The following TP63 variants were observed in gnomAD, a reference collection of about 807,000 sequenced individuals.
TP63 encodes the protein tumor protein 63.
TP63 carries 17 observed loss-of-function variants against 82.8 expected under a neutral mutation model. The observed-to-expected ratio is 0.21, with a 90% CI of 0.14 to 0.31. The LOEUF (loss-of-function observed/expected upper bound fraction) is 0.31, where lower values mean the gene tolerates loss of function less well. TP63 is among the 10% of genes least tolerant of loss of function. The pLI is 1.00. For synonymous variants in TP63, 330 were observed against 321.7 expected (o/e 1.03, Z -0.28); for missense variants, 648 against 895.3 (o/e 0.72, Z 3.52).
At chr3:189,824,230 T>G (rs201437767) in intron 4 of TP63, among the ~76,000 whole-genome samples, 1 of 151,954 alleles carries the variant, frequency 6.6e-6, no homozygotes, top group African/African-American at 2.4e-5. Context: ...TATTATTTTT[T>G]TTTTGAGACA....
intron 1 of TP63, among the ~76,000 whole-genome samples, chr3:189,736,668 A>G (rs1244539305): frequency 6.6e-6 from 1 of 152,000 alleles, no homozygotes; most frequent in Non-Finnish European, 1.5e-5. Context: ...TCCTCTATGC[A>G]TGTTTAACTT....
At chr3:189,771,316 T>TTATATATTTATATATAATATAA (rs1553835347) in intron 3 of TP63, among the ~76,000 whole-genome samples, 2,917 of 136,594 alleles carry the variant, frequency 0.021, 136 homozygotes, top group African/African-American at 0.075. Flanking sequence ...ATATAATATA[T>TTATATATTTATATATAATATAA]TATATATTTA....
the TP63 span, among the ~76,000 whole-genome samples, chr3:189,622,943 T>G: frequency 1.3e-5 from 2 of 152,200 alleles, no homozygotes; most frequent in Non-Finnish European, 2.9e-5. Flanking sequence ...TTTTAAGTCA[T>G]TCTGATTTCT....
chr3:189,793,558 T>C (rs1377058156), intron 3 of TP63, among the ~76,000 whole-genome samples: 1 of 152,054 alleles, frequency 6.6e-6, no homozygotes, highest in African/African-American at 2.4e-5. Flanking sequence ...AGAAATATGT[T>C]ACCACAAATA....
chr3:189,719,673 G>A (rs1036866692), intron 1 of TP63, among the ~76,000 whole-genome samples: 7 of 152,188 alleles, frequency 4.6e-5, no homozygotes, highest in Admixed American at 2.6e-4. Flanking sequence ...CTAAACAAAT[G>A]AGCATGGCTT....
intron 1 of TP63, among the ~76,000 whole-genome samples, chr3:189,645,777 T>C (rs1452041605): frequency 1.4e-5 from 2 of 146,520 alleles, no homozygotes; most frequent in African/African-American, 5.1e-5. Flanking sequence ...GTCCTTGTGA[T>C]AGTTTGCTCA....
intron 1 of TP63, among the ~76,000 whole-genome samples, chr3:189,691,355 A>AAGAAAAG (rs1553813523): frequency 6.9e-6 from 1 of 143,922 alleles, no homozygotes; most frequent in Non-Finnish European, 1.5e-5. Context: ...AAAAAAAAAA[A>AAGAAAAG]AAAAAGAAAA....
chr3:189,769,588 A>G (rs1056218746), intron 3 of TP63, among the ~76,000 whole-genome samples: 1 of 152,196 alleles, frequency 6.6e-6, no homozygotes. Flanking sequence ...TAAAATTAAT[A>G]TGGTCTGTGA....
At position 189,696,820 on chromosome 3, in the gene TP63, A is replaced by G. The variant is rs769729302; in HGVS notation, c.63-40920A>G. ...ATGTTGAAAATGTCTTCATATGCCTATTTGCCTTCTTGATATGTACTTTGT... is the reference window on the plus strand; with the variant it reads ...ATGTTGAAAATGTCTTCATATGCCTGTTTGCCTTCTTGATATGTACTTTGT... On this transcript the variant is annotated intron_variant, in intron 1 of 13. Transcript: ENST00000264731. 2.5e-4 allele frequency among the ~76,000 whole-genome samples: 38 copies of G among 152,086 alleles called. 1 individual carries two copies. Among genetic ancestry groups the G allele is most frequent in the Non-Finnish European group, 4.4e-4 (30 of 67,984 alleles).
At position 189,878,860 on chromosome 3, in the gene TP63, C is replaced by G. The variant is rs371543021; in HGVS notation, c.1349+5865C>G. Among the ~76,000 whole-genome samples the G allele has an allele frequency of 6.9e-3, 758 of 110,076 alleles. 42 individuals carry two copies. The highest frequency in any genetic ancestry group is 0.012 in the Non-Finnish European group (611 of 52,274). 72.2% of individuals were successfully genotyped at this position (110,076 alleles called of 152,430 possible). On this transcript the variant is annotated intron_variant, in intron 10 of 13. Transcript: ENST00000264731. ...GCCAGGCTGGTCTCAAACCCCTGAC[C>G]TTGTGATCCCCCTGACCTTGGCCTC...
intron 1 of TP63, among the ~76,000 whole-genome samples, chr3:189,697,491 AT>A (rs1230318748): frequency 6.6e-6 from 1 of 151,546 alleles, no homozygotes; most frequent in Non-Finnish European, 1.5e-5. Flanking sequence ...GAATCCTCCA[AT>A]TTTTTTCTTT....
At position 189,660,593 on chromosome 3, in the gene TP63, G is replaced by A. The variant is rs151199473; in HGVS notation, c.62+29016G>A. ...TTTTAGAATAGTTTTTTCTAGTTCTGTGAAAAATGACTTTGGTAGTTTGAT... is the reference window on the plus strand; with the variant it reads ...TTTTAGAATAGTTTTTTCTAGTTCTATGAAAAATGACTTTGGTAGTTTGAT... On this transcript the variant is annotated intron_variant, in intron 1 of 13. Transcript: ENST00000264731. Among the ~76,000 whole-genome samples, 748 of 152,114 alleles carry A rather than the reference G, an allele frequency of 4.9e-3. 9 individuals are homozygous for A. The highest frequency in any genetic ancestry group is 0.017 in the African/African-American group (720 of 41,498).
intron 3 of TP63, among the ~76,000 whole-genome samples, chr3:189,762,197 G>C (rs927663537): frequency 6.6e-6 from 1 of 152,214 alleles, no homozygotes; most frequent in Non-Finnish European, 1.5e-5. Flanking sequence ...ATTCTTTACA[G>C]ATGCAAATTT....
intron 1 of TP63, among the ~76,000 whole-genome samples, chr3:189,660,012 C>A (rs543153972): frequency 6.6e-6 from 1 of 151,934 alleles, no homozygotes; most frequent in Non-Finnish European, 1.5e-5. Context: ...TTTCTGATTA[C>A]TCTGTTGATA....
chr3:189,712,438 G>T (rs543755474), intron 1 of TP63, among the ~76,000 whole-genome samples: 1 of 152,264 alleles, frequency 6.6e-6, no homozygotes, highest in African/African-American at 2.4e-5. Context: ...GGTCCTGGAG[G>T]CTGGAAAGTC....
chr3:189,722,654 A>G (rs979546669), intron 1 of TP63, among the ~76,000 whole-genome samples: 1 of 152,194 alleles, frequency 6.6e-6, no homozygotes. Flanking sequence ...CAGAAAGCTC[A>G]TGTACCTTCC....
chr3:189,878,568 GAT>G (rs1434309764), intron 10 of TP63, among the ~76,000 whole-genome samples: 1 of 140,390 alleles, frequency 7.1e-6, no homozygotes, highest in Admixed American at 7.2e-5. Flanking sequence ...TTTGTATTTT[GAT>G]ATATATATAT....
intron 4 of TP63, among the ~76,000 whole-genome samples, chr3:189,815,676 A>G (rs914007718): frequency 6.6e-6 from 1 of 152,164 alleles, no homozygotes; most frequent in Non-Finnish European, 1.5e-5. Context: ...GCTGCATGCC[A>G]TCCTGTGCAA....
At chr3:189,764,240 T>G (rs997587235) in intron 3 of TP63, among the ~76,000 whole-genome samples, 1 of 152,062 alleles carries the variant, frequency 6.6e-6, no homozygotes, top group Non-Finnish European at 1.5e-5. Context: ...TTTCTTGGAG[T>G]AAGAATAGAG....
Sources: gnomAD v4.1 joint callset for allele counts (sites outside exome capture counted in the v4.1 genomes callset) on GRCh38, gnomAD v4.1.1 for gene constraint, MANE v1.5 for transcripts, NCBI Gene and HGNC (gene_info 2026-07-23, HGNC 2026-07-21) for gene names.